Variants in GLIS3 observed in about 807,000 individuals in gnomAD.
GLIS3 encodes zinc finger protein GLIS3.
In GLIS3, 53 loss-of-function variants were observed where a neutral mutation model predicts 78.6. That is an observed-to-expected ratio of 0.67 (90% CI 0.54 to 0.85). The LOEUF (loss-of-function observed/expected upper bound fraction) is 0.85, where lower values mean the gene tolerates loss of function less well. GLIS3 is among the 40% of genes least tolerant of loss of function. The pLI is 0.00. For synonymous variants in GLIS3, 684 were observed against 509.9 expected (o/e 1.34, Z -4.60); for missense variants, 1,703 against 1,231.1 (o/e 1.38, Z -5.74).
At chr9:4,402,536 A>G in the GLIS3 span, among the ~76,000 whole-genome samples, 1 of 152,246 alleles carries the variant, frequency 6.6e-6, no homozygotes, top group Non-Finnish European at 1.5e-5. Context: ...CAGAGAATTC[A>G]AAACACCTAT....
the GLIS3 span, among the ~76,000 whole-genome samples, chr9:4,451,184 G>A: frequency 6.6e-6 from 1 of 152,008 alleles, no homozygotes; most frequent in African/African-American, 2.4e-5. Context: ...GCAAAAAAAA[G>A]CAGGGGTTGC....
At chr9:4,155,751 C>T (rs1353502299) in intron 2 of GLIS3, among the ~76,000 whole-genome samples, 3 of 152,128 alleles carry the variant, frequency 2.0e-5, no homozygotes, top group Non-Finnish European at 4.4e-5. Context: ...GACGGCTGTA[C>T]AAGCATAGAT....
intron 4 of GLIS3, among the ~76,000 whole-genome samples, chr9:3,967,040 A>AAAAAAAAAAAAAAAAAAAAAAAAAAAG (rs1226736845): frequency 7.7e-6 from 1 of 129,628 alleles, no homozygotes; most frequent in Non-Finnish European, 1.6e-5. Context: ...AAAACAAAAA[A>AAAAAAAAAAAAAAAAAAAAAAAAAAAG]ACATTTTGAG....
chr9:4,229,495 AG>A (rs1822070544), intron 2 of GLIS3, among the ~76,000 whole-genome samples: 1 of 152,220 alleles, frequency 6.6e-6, no homozygotes, highest in African/African-American at 2.4e-5. Flanking sequence ...AAGATTGTAA[AG>A]GAGGGCTGGA....
the GLIS3 span, among the ~76,000 whole-genome samples, chr9:4,447,582 AT>A: frequency 7.9e-5 from 12 of 152,282 alleles, no homozygotes; most frequent in Non-Finnish European, 1.8e-4. Context: ...TTAAATTGAA[AT>A]TAAACTCTTC....
At position 4,235,026 on chromosome 9, in the gene GLIS3, C is replaced by T. The variant is rs548545889; in HGVS notation, c.388+51012G>A. 7.2e-5 allele frequency among the ~76,000 whole-genome samples: 11 copies of T among 152,138 alleles called. No homozygotes were observed. In the East Asian group the frequency reaches 1.4e-3, roughly 19 times the overall value. On this transcript the variant is annotated intron_variant, in intron 2 of 10. Coordinates refer to ENST00000381971, the MANE Select transcript of GLIS3 (RefSeq NM_001042413.2). ...AAAAATGTGATGAGGGAGCCAGGCGCGGTGGCTCACGCCTGTAATCCCCAC... is the reference window on the plus strand; with the variant it reads ...AAAAATGTGATGAGGGAGCCAGGCGTGGTGGCTCACGCCTGTAATCCCCAC...
At chr9:4,237,312 A>C (rs538646859) in intron 2 of GLIS3, among the ~76,000 whole-genome samples, 1 of 152,286 alleles carries the variant, frequency 6.6e-6, no homozygotes, top group East Asian at 1.9e-4. Flanking sequence ...ACACAGCCAC[A>C]AAAATGATGA....
chr9:4,455,494 T>C, the GLIS3 span, among the ~76,000 whole-genome samples: 2 of 152,178 alleles, frequency 1.3e-5, no homozygotes. Context: ...TCTTAGGTTC[T>C]AGTTCCAGCC....
chr9:3,864,177 G>C (rs1820422302), intron 8 of GLIS3, among the ~76,000 whole-genome samples: 1 of 152,128 alleles, frequency 6.6e-6, no homozygotes, highest in South Asian at 2.1e-4. Flanking sequence ...ATCATCTCTT[G>C]GGTTTCTCTG....
intron 2 of GLIS3, among the ~76,000 whole-genome samples, chr9:4,155,587 T>G (rs971825457): frequency 2.0e-5 from 3 of 152,174 alleles, no homozygotes; most frequent in African/African-American, 7.2e-5. Flanking sequence ...CATAGGACAT[T>G]AGTCACCGGT....
At chr9:4,187,975 G>A (rs1283101785) in intron 2 of GLIS3, among the ~76,000 whole-genome samples, 1 of 151,960 alleles carries the variant, frequency 6.6e-6, no homozygotes, top group African/African-American at 2.4e-5. Context: ...TTTCCTAACT[G>A]AATACCCTTT....
intron 2 of GLIS3, among the ~76,000 whole-genome samples, chr9:4,280,078 G>C (rs1172679645): frequency 6.6e-6 from 1 of 152,182 alleles, no homozygotes; most frequent in African/African-American, 2.4e-5. Flanking sequence ...TGAGTGCAGT[G>C]GCACAATCAT....
At chr9:4,296,095 A>T (rs188212735) in intron 1 of GLIS3, among the ~76,000 whole-genome samples, 3 of 152,244 alleles carry the variant, frequency 2.0e-5, no homozygotes, top group Admixed American at 2.0e-4. Flanking sequence ...ACAGAAAATG[A>T]CTTCTCCAGA....
intron 2 of GLIS3, among the ~76,000 whole-genome samples, chr9:4,177,723 T>C (rs714868): frequency 0.52 from 79,412 of 152,114 alleles, 20,773 homozygotes; most frequent in Middle Eastern, 0.64. Context: ...CCAAGAGACA[T>C]AGTAAGAAAT....
At chr9:4,077,545 A>G (rs1828183237) in intron 4 of GLIS3, among the ~76,000 whole-genome samples, 1 of 152,230 alleles carries the variant, frequency 6.6e-6, no homozygotes, top group African/African-American at 2.4e-5. Context: ...CTGATTCAAC[A>G]ACAGAACAGG....
At chr9:4,466,732 G>A in the GLIS3 span, among the ~76,000 whole-genome samples, 34 of 152,140 alleles carry the variant, frequency 2.2e-4, no homozygotes, top group Non-Finnish European at 4.0e-4. Context: ...GCAGAAGATG[G>A]GTGATTTCTG....
chr9:4,298,490 T>G (rs1054151418), intron 1 of GLIS3: 2 of 442,980 alleles, frequency 4.5e-6, no homozygotes, highest in Non-Finnish European at 9.1e-6. Context: ...GTGAGTAACT[T>G]GGAACTGTCG....
intron 2 of GLIS3, among the ~76,000 whole-genome samples, chr9:4,336,167 G>A (rs1490175917): frequency 6.6e-6 from 1 of 152,204 alleles, no homozygotes; most frequent in Non-Finnish European, 1.5e-5. Flanking sequence ...CTAGCCCACT[G>A]CCAACTCTTC....
At chr9:4,354,101 G>T in the GLIS3 span, among the ~76,000 whole-genome samples, 1 of 151,600 alleles carries the variant, frequency 6.6e-6, no homozygotes, top group Non-Finnish European at 1.5e-5. Flanking sequence ...CTCCCAAAGC[G>T]CTGGGATTAC....
Sources: allele counts gnomAD v4.1 joint callset (sites outside exome capture counted in the v4.1 genomes callset), GRCh38; gene constraint gnomAD v4.1.1; transcripts MANE v1.5; gene names NCBI Gene and HGNC (gene_info 2026-07-23, HGNC 2026-07-21).